Variants in MAP3K14 observed in about 807,000 individuals in gnomAD.
The protein encoded by MAP3K14 is NF-kappa-beta-inducing kinase.
A neutral mutation model predicts 99.2 loss-of-function variants in MAP3K14; 16 were observed. The ratio of observed to expected loss-of-function variants is 0.16; its 90% CI spans 0.11 to 0.24. MAP3K14 has a LOEUF of 0.24. MAP3K14 is among the 10% of genes least tolerant of loss of function. MAP3K14 has a pLI of 1.00. For synonymous variants in MAP3K14, 462 were observed against 492.4 expected (o/e 0.94, Z 0.82); for missense variants, 784 against 1,208.7 (o/e 0.65, Z 5.21).
intron 11 of MAP3K14, chr17:45,268,147 T>C (rs1465394806): frequency 7.6e-5 from 14 of 184,148 alleles, no homozygotes; most frequent in Admixed American, 7.0e-4. Flanking sequence ...CCACCATCTC[T>C]CCTACCCCAT....
chr17:45,274,115 G>A lies in MAP3K14; in HGVS notation c.1552+8C>T. 6.2e-7 allele frequency: 1 copy of A among 1,609,950 alleles called. No homozygotes were observed. On this transcript the variant is annotated splice_region_variant and intron_variant, in intron 8 of 15. Coordinates refer to ENST00000344686, the MANE Select transcript of MAP3K14 (RefSeq NM_003954.5). ...CTGGGGATCAGGGCCGTGGGGCCTG[G>A]GCCTTACCTTTGACGTCCCCATGCA...
At chr17:45,289,723 C>T (rs1307905457) in intron 2 of MAP3K14, among the ~76,000 whole-genome samples, 1 of 152,176 alleles carries the variant, frequency 6.6e-6, no homozygotes, top group African/African-American at 2.4e-5. Context: ...ATTATTATGT[C>T]ACTCTCTGTA....
At position 45,267,417 on chromosome 17, in the gene MAP3K14, T is replaced by C. The variant is rs756158025; in HGVS notation, c.2315A>G (p.Gln772Arg). Residue 772 changes from glutamine to arginine, a missense_variant, in exon 12 of 16, where the codon CAG becomes CGG. Gln to Arg is a conservative substitution (Grantham distance 43, BLOSUM62 1). Around this residue, in one of 5 missense-constraint regions of MAP3K14, gnomAD observed 128 missense variants for 143.3 expected, o/e 0.89. Coordinates refer to ENST00000344686, the MANE Select transcript of MAP3K14 (RefSeq NM_003954.5). This position sits in a 1 kb window ranked among gnomAD's most constrained non-coding sequence, Gnocchi z 5.1. ...KATVPEQELQ[Q>R]LEIELFLNSL... The stretch of plus-strand genomic sequence containing the variant: ...ACGGCTGCCCGTACCTATTTCCAGC[T>C]GCTGCAGTTCCTGCTCCGGGACGGT... 6.3e-7 allele frequency: 1 copy of C among 1,595,228 alleles called. No homozygotes were observed. The highest frequency in any genetic ancestry group is 1.1e-5 in the South Asian group (1 of 88,530).
At chr17:45,302,328 G>A (rs2143855389) in intron 1 of MAP3K14, among the ~76,000 whole-genome samples, 1 of 152,112 alleles carries the variant, frequency 6.6e-6, no homozygotes, top group East Asian at 1.9e-4. Context: ...ATTTTTATGA[G>A]ATGGAGTCTC....
chr17:45,270,576 A>G lies in MAP3K14; in HGVS notation c.1822-13T>C. The G allele has an allele frequency of 1.3e-6, 2 of 1,541,050 alleles. No homozygotes were observed. Among genetic ancestry groups the G allele is most frequent in the African/African-American group, 1.4e-5 (1 of 71,998 alleles). ...GCTCGCTGGCAATCTGGGGGGCAAA[A>G]GACAACAGGTGAGGCCTGCCTTCCC... On this transcript the variant is annotated splice_polypyrimidine_tract_variant and intron_variant, in intron 10 of 15. Transcript: ENST00000344686.
intron 1 of MAP3K14, among the ~76,000 whole-genome samples, chr17:45,299,669 G>A (rs1165193982): frequency 1.3e-5 from 2 of 152,204 alleles, no homozygotes; most frequent in Non-Finnish European, 2.9e-5. Flanking sequence ...CTTGAGGCCT[G>A]CTTCCCAGGA....
Position 45,286,619 on chromosome 17 carries a change from A to G in MAP3K14, c.964T>C (p.Cys322Arg). 1 of 1,611,246 alleles carries G rather than the reference A, an allele frequency of 6.2e-7. No individual in the cohort carries two copies. The highest frequency in any genetic ancestry group is 1.1e-5 in the South Asian group (1 of 90,416). The part of the protein sequence containing the change: ...PLPGPHLEPS[C>R]LSRGAHEKFS... The stretch of plus-strand genomic sequence containing the variant: ...TTCTCATGGGCACCACGAGACAGGC[A>G]GCTGGGCTCCAGGTGTGGGCCAGGC... The change falls in exon 5 of 16, where the codon TGC becomes CGC. Residue 322 changes from cysteine to arginine, a missense_variant. Cys to Arg is a radical substitution (Grantham distance 180). Coordinates refer to ENST00000344686, the MANE Select transcript of MAP3K14 (RefSeq NM_003954.5). This position sits in a 1 kb window ranked among gnomAD's most constrained non-coding sequence, Gnocchi z 4.1.
Position 45,287,214 on chromosome 17 carries a change from C to G in MAP3K14, c.477G>C (p.Val159=), listed in dbSNP as rs779441540. Residue 159 remains valine (V), a synonymous_variant, in exon 4 of 16, where the codon GTG becomes GTC. Transcript: ENST00000344686. ...TCCTGGGGAGGGGTTTGGCCAAGGC[C>G]ACTCCTGCATGAGCCAGGGACTTTG... is the stretch of plus-strand genomic sequence containing the variant. ...KSSKSLAHAG[V]ALAKPLPRTP... The G allele has an allele frequency of 5.6e-6, 9 of 1,613,984 alleles. No homozygotes were observed. Among genetic ancestry groups the G allele is most frequent in the South Asian group, 4.4e-5 (4 of 91,076 alleles).
In MAP3K14 at chr17:45,271,185, G is replaced by A. The variant is rs773929665; in HGVS notation, c.1694C>T (p.Pro565Leu). The change falls in exon 10 of 16, where the codon CCG (proline) becomes CTG (leucine). Residue 565 changes from proline (P) to leucine (L), a missense_variant. Around this residue, in one of 5 missense-constraint regions of MAP3K14, gnomAD observed 200 missense variants for 367.9 expected, o/e 0.54. Coordinates refer to ENST00000344686, the MANE Select transcript of MAP3K14 (RefSeq NM_003954.5). The part of the protein sequence containing the change: ...YIPGTETHMA[P>L]EVVLGRSCDA... ...GCAGCTCCTGCCCAGCACCACCTCC[G>A]GAGCCATGTGGGTCTCTGTGCCAGG... 6.2e-7 allele frequency: 1 copy of A among 1,612,772 alleles called. No homozygotes were observed. Among genetic ancestry groups the A allele is most frequent in the Non-Finnish European group, 8.5e-7 (1 of 1,179,590 alleles).
chr17:45,306,721 A>G (rs931011789), intron 1 of MAP3K14, among the ~76,000 whole-genome samples: 3 of 152,230 alleles, frequency 2.0e-5, no homozygotes, highest in Non-Finnish European at 2.9e-5. Flanking sequence ...GCCCTGATAC[A>G]GGGCATTTTA....
intron 6 of MAP3K14, among the ~76,000 whole-genome samples, chr17:45,277,120 G>A (rs753478619): frequency 3.9e-5 from 6 of 152,120 alleles, no homozygotes; most frequent in African/African-American, 9.7e-5. Flanking sequence ...GAGCCACTGC[G>A]CACGGCCTCT....
Position 45,287,050 on chromosome 17 carries a change from G to C in MAP3K14, c.538-5C>G. On this transcript the variant is annotated splice_polypyrimidine_tract_variant and splice_region_variant and intron_variant, in intron 4 of 15. Coordinates refer to ENST00000344686, the MANE Select transcript of MAP3K14 (RefSeq NM_003954.5). Reference sequence around the variant, plus strand: ...GCCGAGTGGAGACTCATCCTCCTGCGGGGGGAAACACAGCTATCAGCACAG... The same window carrying C: ...GCCGAGTGGAGACTCATCCTCCTGCCGGGGGAAACACAGCTATCAGCACAG... 2 of 1,609,196 alleles carry C rather than the reference G, an allele frequency of 1.2e-6. No individual in the cohort carries two copies. Among genetic ancestry groups the C allele is most frequent in the Non-Finnish European group, 1.7e-6 (2 of 1,176,404 alleles).
intron 1 of MAP3K14, among the ~76,000 whole-genome samples, chr17:45,308,008 T>G (rs924881573): frequency 2.0e-5 from 3 of 152,172 alleles, no homozygotes; most frequent in African/African-American, 7.2e-5. Flanking sequence ...CCCTTTATAA[T>G]GAGGGGTCAT....
rs962811360 is a variant in MAP3K14, at chr17:45,263,658, G to C, written c.*978C>G. 2 of 152,664 alleles carry C rather than the reference G, an allele frequency of 1.3e-5. No homozygotes were observed. The highest frequency in any genetic ancestry group is 4.8e-5 in the African/African-American group (2 of 41,466). The allele number at this position is 152,664 out of a possible 1,614,324, so 9.5% of individuals were successfully genotyped here. A position where few individuals can be genotyped will look rare whatever the true frequency, so the allele number is the denominator to read the frequency against. On this transcript the variant is annotated 3_prime_UTR_variant, in exon 16 of 16. Transcript: ENST00000344686. ...GGCAGTACCCTCTGGCCAGGGGCAG[G>C]GCAGGGTGAGTGTCAGTGTGATGCT...
chr17:45,308,598 A>G (rs2044447812), intron 1 of MAP3K14, among the ~76,000 whole-genome samples: 1 of 151,832 alleles, frequency 6.6e-6, no homozygotes, highest in Non-Finnish European at 1.5e-5. Flanking sequence ...CGAACTCCTG[A>G]GCTCAAGTGA....
chr17:45,265,450 G>C (rs2044070764), intron 14 of MAP3K14, among the ~76,000 whole-genome samples, 187 bp from the exon 15 acceptor site: 1 of 152,082 alleles, frequency 6.6e-6, no homozygotes, highest in Non-Finnish European at 1.5e-5. Flanking sequence ...GCATTTTTTT[G>C]TTTTTGAGAC....
At chr17:45,291,846 A>G (rs1385559890) in intron 1 of MAP3K14, among the ~76,000 whole-genome samples, 1 of 152,274 alleles carries the variant, frequency 6.6e-6, no homozygotes, top group East Asian at 1.9e-4. Context: ...TAAAGCTGCT[A>G]CCAGCAGAAA....
chr17:45,290,962 G>A, intron 1 of MAP3K14, 197 bp from the exon 2 acceptor site: 3 of 562,600 alleles, frequency 5.3e-6, no homozygotes, highest in Non-Finnish European at 9.5e-6. Flanking sequence ...GTTCCACACG[G>A]CACAGTCCCC....
rs1254825278 is a variant in MAP3K14, at chr17:45,300,434, G to A, written c.-20-9669C>T. 6.6e-5 allele frequency among the ~76,000 whole-genome samples: 10 copies of A among 152,314 alleles called. No individual in the cohort carries two copies. The East Asian group carries it at 1.3e-3, about 21-fold the overall frequency. On this transcript the variant is annotated intron_variant, in intron 1 of 15. Transcript: ENST00000344686. ...CTTATGGGCTCAGTCTCAGCTCTGT[G>A]GTCCATAATCTTTTTGGCCATTGTT...
Sources: allele counts gnomAD v4.1 joint callset (sites outside exome capture counted in the v4.1 genomes callset), GRCh38; gene constraint gnomAD v4.1.1; regional missense constraint gnomAD v4.1.1; non-coding constraint Gnocchi (gnomAD v3.1); transcripts MANE v1.5; gene names NCBI Gene and HGNC (gene_info 2026-07-23, HGNC 2026-07-21).